The following PDSS2 variants were observed in gnomAD, a reference collection of about 807,000 sequenced individuals.
The protein encoded by PDSS2 is decaprenyl diphosphate synthase subunit 2, also known as all trans-polyprenyl-diphosphate synthase PDSS2.
PDSS2 carries 31 observed loss-of-function variants against 44.5 expected under a neutral mutation model. The observed-to-expected ratio is 0.70, with a 90% CI of 0.52 to 0.94. The LOEUF (loss-of-function observed/expected upper bound fraction) is 0.94, where lower values mean the gene tolerates loss of function less well. Ranked by LOEUF, PDSS2 falls within the 40% of genes least tolerant of loss-of-function variation. The pLI is 0.00. For synonymous variants in PDSS2, 157 were observed against 180.3 expected, an observed-to-expected ratio of 0.87 and a Z score of 1.03; for missense variants, 452 against 482.2, an observed-to-expected ratio of 0.94 and a Z score of 0.59.
chr6:107,399,219 C>G (rs970540781), intron 1 of PDSS2, among the ~76,000 whole-genome samples: 2 of 152,186 alleles, frequency 1.3e-5, no homozygotes, highest in Non-Finnish European at 2.9e-5. Context: ...GCAGTTGTTT[C>G]AGAGTACAGG....
chr6:107,303,024 TA>T (rs1403049354), intron 2 of PDSS2, among the ~76,000 whole-genome samples: 2 of 152,206 alleles, frequency 1.3e-5, no homozygotes, highest in Non-Finnish European at 2.9e-5. Flanking sequence ...TTTCTGTTAC[TA>T]AATTGAGTAT....
chr6:107,188,331 G>T (rs970877384), intron 7 of PDSS2, among the ~76,000 whole-genome samples: 2 of 151,658 alleles, frequency 1.3e-5, no homozygotes, highest in Admixed American at 6.6e-5. Context: ...GTGAGCTAAG[G>T]TTGTGCCACT....
At chr6:107,408,902 C>T (rs368616319) in intron 1 of PDSS2, among the ~76,000 whole-genome samples, 5 of 152,116 alleles carry the variant, frequency 3.3e-5, no homozygotes, top group African/African-American at 1.2e-4. Flanking sequence ...AACAATACTT[C>T]CTAGTTATTC....
chr6:107,213,174 T>A (rs9791325), intron 4 of PDSS2, among the ~76,000 whole-genome samples: 1 of 151,400 alleles, frequency 6.6e-6, no homozygotes, highest in African/African-American at 2.4e-5. Context: ...CACACCAAGT[T>A]AATTTTTTGT....
intron 4 of PDSS2, among the ~76,000 whole-genome samples, chr6:107,216,216 G>A (rs1488728540): frequency 2.0e-5 from 3 of 152,050 alleles, no homozygotes; most frequent in African/African-American, 4.8e-5. Flanking sequence ...GCTCACACCT[G>A]TAATCCCAGC....
Position 107,212,220 on chromosome 6 carries a change from A to C in PDSS2, c.765T>G (p.His255Gln). 3.1e-6 allele frequency: 5 copies of C among 1,613,816 alleles called. No individual in the cohort carries two copies. The highest frequency in any genetic ancestry group is 4.2e-6 in the Non-Finnish European group (5 of 1,179,696). The change falls in exon 5 of 8, where the codon CAT (histidine) becomes CAG (glutamine). Residue 255 changes from histidine (H) to glutamine (Q), a missense_variant. By Grantham distance (24) the His-to-Gln change is conservative (BLOSUM62 0). Coordinates refer to ENST00000369037, the MANE Select transcript of PDSS2 (RefSeq NM_020381.4). ...GGCAGCTCTTTGCTAGTAAGGCACC[A>C]TGGGAGAGAAAAGTCTGCTCCTTCC... ...STWKEQTFLS[H>Q]GALLAKSCQA...
chr6:107,420,262 C>T (rs1420127790), intron 1 of PDSS2, among the ~76,000 whole-genome samples: 1 of 152,208 alleles, frequency 6.6e-6, no homozygotes, highest in African/African-American at 2.4e-5. Context: ...CAATAAAGTA[C>T]CGTCACCTTC....
Position 107,168,972 on chromosome 6 carries a change from G to A in PDSS2, c.1042-14195C>T, listed in dbSNP as rs541299994. Among the ~76,000 whole-genome samples the A allele has an allele frequency of 9.2e-5, 14 of 152,052 alleles. No homozygotes were observed. The South Asian group carries it at 1.9e-3, about 20-fold the overall frequency. ...TATGCGTCTTGGAGTTGCTCTTCTC[G>A]AGGAGTATCTTTGTGGCGTTCTCTG... On this transcript the variant is annotated intron_variant, in intron 7 of 7. Coordinates refer to ENST00000369037, the MANE Select transcript of PDSS2 (RefSeq NM_020381.4).
Position 107,360,516 on chromosome 6 carries a change from T to C in PDSS2, c.297-26184A>G, listed in dbSNP as rs866846825. Among the ~76,000 whole-genome samples, 8 of 152,308 alleles carry C rather than the reference T, an allele frequency of 5.3e-5. No individual in the cohort carries two copies. The South Asian group carries it at 1.0e-3, about 20-fold the overall frequency. ...CCCACCAGAGGCATAGTTTATGAGA[T>C]AGGCTTGCCATTAGAACCTTCTCTG... On this transcript the variant is annotated intron_variant, in intron 1 of 7. Coordinates refer to ENST00000369037, the MANE Select transcript of PDSS2 (RefSeq NM_020381.4).
chr6:107,344,879 G>T (rs933604661), intron 1 of PDSS2, among the ~76,000 whole-genome samples: 1 of 152,112 alleles, frequency 6.6e-6, no homozygotes, highest in Non-Finnish European at 1.5e-5. Flanking sequence ...TTTCCCCACT[G>T]AAATGGTAAC....
chr6:107,442,565 C>G (rs1781542400), intron 1 of PDSS2, among the ~76,000 whole-genome samples: 1 of 152,220 alleles, frequency 6.6e-6, no homozygotes, highest in Non-Finnish European at 1.5e-5. Flanking sequence ...ACTTCCAACT[C>G]TAGCCTTAGT....
chr6:107,395,257 T>C (rs1376047309), intron 1 of PDSS2, among the ~76,000 whole-genome samples: 1 of 152,150 alleles, frequency 6.6e-6, no homozygotes, highest in Non-Finnish European at 1.5e-5. Context: ...GATTATGATG[T>C]ATCCTGGTGC....
chr6:107,180,913 G>A lies in PDSS2; in HGVS notation c.1041+12909C>T, dbSNP rs376910060. Among the ~76,000 whole-genome samples, 118 of 152,124 alleles carry A rather than the reference G, an allele frequency of 7.8e-4. 2 individuals carry two copies. In the South Asian group the frequency reaches 0.022, roughly 28 times the overall value. The stretch of plus-strand genomic sequence containing the variant: ...GTCTCCCAGGCTGGAATGCAGGGGC[G>A]CAATAACCGCAACCTCCATCTCCCG... On this transcript the variant is annotated intron_variant, in intron 7 of 7. Coordinates refer to ENST00000369037, the MANE Select transcript of PDSS2 (RefSeq NM_020381.4).
At chr6:107,337,885 A>G (rs1164300097) in intron 1 of PDSS2, among the ~76,000 whole-genome samples, 1 of 152,184 alleles carries the variant, frequency 6.6e-6, no homozygotes, top group African/African-American at 2.4e-5. Context: ...AGAATGCATT[A>G]CTGAAAAGGT....
At chr6:107,376,931 A>C (rs1270314653) in intron 1 of PDSS2, among the ~76,000 whole-genome samples, 2 of 152,026 alleles carry the variant, frequency 1.3e-5, no homozygotes, top group Non-Finnish European at 2.9e-5. Context: ...AAGCCATAAA[A>C]ACCCTAGAAG....
intron 7 of PDSS2, among the ~76,000 whole-genome samples, chr6:107,178,466 T>C (rs568567579): frequency 1.3e-5 from 2 of 152,352 alleles, no homozygotes; most frequent in East Asian, 1.9e-4. Flanking sequence ...TTGTTTTAAA[T>C]GGTTATTATC....
At chr6:107,314,383 T>C (rs1046780969) in intron 2 of PDSS2, among the ~76,000 whole-genome samples, 9 of 152,186 alleles carry the variant, frequency 5.9e-5, no homozygotes, top group Admixed American at 2.6e-4. Flanking sequence ...ATATACTTAT[T>C]TAACCTAAAA....
At chr6:107,173,585 A>AAAG (rs1257445358) in intron 7 of PDSS2, among the ~76,000 whole-genome samples, 1 of 150,274 alleles carries the variant, frequency 6.7e-6, no homozygotes, top group African/African-American at 2.5e-5. Context: ...AAAAAAAAAA[A>AAAG]AAAAAAAAAA....
intron 2 of PDSS2, among the ~76,000 whole-genome samples, chr6:107,285,811 A>C (rs1776121429): frequency 6.6e-6 from 1 of 152,196 alleles, no homozygotes. Context: ...TAGTTTTGCA[A>C]AACAGAATAG....
Sources: gnomAD v4.1 joint callset for allele counts (sites outside exome capture counted in the v4.1 genomes callset) on GRCh38, gnomAD v4.1.1 for gene constraint, MANE v1.5 for transcripts, NCBI Gene and HGNC (gene_info 2026-07-23, HGNC 2026-07-21) for gene names.